Variants in CCSER2 observed in about 807,000 individuals in gnomAD.
The protein encoded by CCSER2 is coiled-coil serine rich protein 2.
Under a neutral mutation model 92.3 loss-of-function variants are expected in CCSER2, and 46 were observed. The ratio of observed to expected loss-of-function variants is 0.50; its 90% CI spans 0.39 to 0.64. The LOEUF is 0.64. CCSER2 is among the 30% of genes least tolerant of loss of function. The probability of loss-of-function intolerance (pLI) is 0.00; values close to 1 mark genes in which losing one functional copy is unlikely to be tolerated. For synonymous variants in CCSER2, 433 were observed against 431.4 expected, an observed-to-expected ratio of 1.00 and a Z score of -0.04; for missense variants, 1,244 against 1,238.9, an observed-to-expected ratio of 1.00 and a Z score of -0.06.
At chr10:84,438,129 A>ATAC (rs1305041690) in intron 5 of CCSER2, among the ~76,000 whole-genome samples, 2 of 152,202 alleles carry the variant, frequency 1.3e-5, no homozygotes, top group African/African-American at 4.8e-5. Context: ...TTATGGGGCT[A>ATAC]AAAAAGGTGT....
At chr10:84,470,524 C>T (rs2133707460) in intron 8 of CCSER2, 66 bp downstream of exon 8, 3 of 1,275,734 alleles carry the variant, frequency 2.4e-6, no homozygotes, top group South Asian at 3.7e-5. Flanking sequence ...TCATAAAACT[C>T]TGAGCCAGAA....
chr10:84,348,147 C>T (rs1844637212), intron 1 of CCSER2, among the ~76,000 whole-genome samples: 1 of 152,226 alleles, frequency 6.6e-6, no homozygotes, highest in Admixed American at 6.5e-5. Context: ...CGCCACTGCA[C>T]TCCAGCCTGG....
intron 9 of CCSER2, among the ~76,000 whole-genome samples, chr10:84,512,395 T>TGTGTGAGAGAGAGG (rs1554872145): frequency 7.7e-6 from 1 of 129,742 alleles, no homozygotes; most frequent in African/African-American, 2.8e-5. Context: ...TGTGTGTGTG[T>TGTGTGAGAGAGAGG]GAGAGAGAGA....
chr10:84,350,310 C>A (rs896957303), intron 1 of CCSER2, among the ~76,000 whole-genome samples: 1 of 152,118 alleles, frequency 6.6e-6, no homozygotes, highest in Non-Finnish European at 1.5e-5. Flanking sequence ...TACTTGATGC[C>A]CAGTTTGTTA....
chr10:84,512,223 A>G (rs1218017989), intron 9 of CCSER2, among the ~76,000 whole-genome samples: 2 of 152,182 alleles, frequency 1.3e-5, no homozygotes, highest in East Asian at 1.9e-4. Flanking sequence ...CGCCCCTTCT[A>G]TTGGGGAAAT....
At chr10:84,437,501 G>C (rs1430686968) in intron 5 of CCSER2, among the ~76,000 whole-genome samples, 1 of 133,498 alleles carries the variant, frequency 7.5e-6, no homozygotes, top group Non-Finnish European at 1.6e-5. Flanking sequence ...ATGACTGAGC[G>C]AGACTCTGTC....
chr10:84,350,327 C>T (rs1162388501), intron 1 of CCSER2, among the ~76,000 whole-genome samples: 2 of 152,104 alleles, frequency 1.3e-5, no homozygotes. Flanking sequence ...GTTATTTTTC[C>T]TAAAGCATTT....
At chr10:84,368,827 C>G (rs1346028221) in intron 1 of CCSER2, among the ~76,000 whole-genome samples, 2 of 152,016 alleles carry the variant, frequency 1.3e-5, no homozygotes, top group African/African-American at 2.4e-5. Flanking sequence ...TAAAAAATCT[C>G]TCATCCCTCT....
At chr10:84,342,882 CTTTCTT>C (rs1390771580) in intron 1 of CCSER2, among the ~76,000 whole-genome samples, 1 of 152,048 alleles carries the variant, frequency 6.6e-6, no homozygotes, top group African/African-American at 2.4e-5. Context: ...TTCTCTTTCT[CTTTCTT>C]TTTTCTTTTG....
chr10:84,449,217 A>G (rs532586623), intron 6 of CCSER2, among the ~76,000 whole-genome samples: 1 of 152,206 alleles, frequency 6.6e-6, no homozygotes, highest in East Asian at 1.9e-4. Flanking sequence ...TCTACTAAAA[A>G]TACAAAAATT....
intron 6 of CCSER2, among the ~76,000 whole-genome samples, chr10:84,450,360 C>G (rs573300073): frequency 1.4e-4 from 21 of 152,140 alleles, no homozygotes; most frequent in Non-Finnish European, 2.9e-4. Context: ...AATACTTTTT[C>G]ATGAAATTTG....
chr10:84,467,161 T>C (rs1846494634), intron 7 of CCSER2, among the ~76,000 whole-genome samples: 1 of 152,246 alleles, frequency 6.6e-6, no homozygotes, highest in Non-Finnish European at 1.5e-5. Context: ...ACGTTTGACA[T>C]GACCTTTGTT....
At chr10:84,356,101 CAA>C (rs57079136) in intron 1 of CCSER2, among the ~76,000 whole-genome samples, 1,174 of 84,038 alleles carry the variant, frequency 0.014, 10 homozygotes, top group African/African-American at 0.039. Flanking sequence ...GAAACTGTCT[CAA>C]AAAAAAAAAA....
At chr10:84,340,904 C>T (rs187654623) in intron 1 of CCSER2, among the ~76,000 whole-genome samples, 11 of 151,940 alleles carry the variant, frequency 7.2e-5, no homozygotes, top group East Asian at 1.9e-4. Context: ...AGAGAAGGTC[C>T]GAGTCCACAA....
chr10:84,428,328 A>T (rs1171266899), intron 5 of CCSER2, among the ~76,000 whole-genome samples: 1 of 152,182 alleles, frequency 6.6e-6, no homozygotes, highest in African/African-American at 2.4e-5. Context: ...GATCCCTTGC[A>T]TGCGCAGCTC....
intron 3 of CCSER2, among the ~76,000 whole-genome samples, chr10:84,416,957 A>T (rs769776811): frequency 6.6e-6 from 1 of 152,162 alleles, no homozygotes; most frequent in Non-Finnish European, 1.5e-5. Context: ...TATGACCATG[A>T]TGTCTCAGTC....
At chr10:84,482,667 AT>A (rs1308402130) in intron 9 of CCSER2, among the ~76,000 whole-genome samples, 23 of 152,330 alleles carry the variant, frequency 1.5e-4, no homozygotes, top group African/African-American at 5.5e-4. Context: ...AAGCCAAAAT[AT>A]TAGAAAAAAG....
chr10:84,403,540 A>G (rs958672811), intron 3 of CCSER2, among the ~76,000 whole-genome samples: 1 of 152,212 alleles, frequency 6.6e-6, no homozygotes, highest in Non-Finnish European at 1.5e-5. Context: ...ATATCTGACA[A>G]AGTTCTCGTG....
At chr10:84,370,483 T>G (rs1846003608) in intron 1 of CCSER2, among the ~76,000 whole-genome samples, 1 of 152,108 alleles carries the variant, frequency 6.6e-6, no homozygotes, top group Admixed American at 6.5e-5. Context: ...ACCTGTGACT[T>G]TACTGGATTT....
Sources: allele counts gnomAD v4.1 joint callset (sites outside exome capture counted in the v4.1 genomes callset), GRCh38; gene constraint gnomAD v4.1.1; transcripts MANE v1.5; gene names NCBI Gene and HGNC (gene_info 2026-07-23, HGNC 2026-07-21).